Variants in NCAM2 observed in about 807,000 individuals in gnomAD.
The protein encoded by NCAM2 is N-CAM-2.
A neutral mutation model predicts 98.1 loss-of-function variants in NCAM2; 30 were observed. The ratio of observed to expected loss-of-function variants is 0.31; its 90% CI spans 0.23 to 0.41. The LOEUF is 0.41. NCAM2 is among the 10% of genes least tolerant of loss of function. The probability of loss-of-function intolerance (pLI) is 1.00; values close to 1 mark genes in which losing one functional copy is unlikely to be tolerated. For synonymous variants in NCAM2, 368 were observed against 342.4 expected (o/e 1.07, Z -0.83); for missense variants, 867 against 1,005.8 (o/e 0.86, Z 1.87).
intron 1 of NCAM2, among the ~76,000 whole-genome samples, chr21:21,025,778 G>A (rs1464873914): frequency 6.6e-6 from 1 of 152,190 alleles, no homozygotes; most frequent in African/African-American, 2.4e-5. Context: ...TTGGTGAACT[G>A]GCTATACATA....
chr21:21,067,617 T>C (rs1206763055), intron 1 of NCAM2, among the ~76,000 whole-genome samples: 1 of 152,184 alleles, frequency 6.6e-6, no homozygotes, highest in Non-Finnish European at 1.5e-5. Context: ...AGACCCCTCT[T>C]TAAACACTGG....
At chr21:21,209,671 A>G (rs979540452) in intron 1 of NCAM2, among the ~76,000 whole-genome samples, 16 of 149,334 alleles carry the variant, frequency 1.1e-4, no homozygotes, top group Admixed American at 1.0e-3. Context: ...ATTCTTTTAT[A>G]GTCTGCTATC....
chr21:21,074,306 T>A (rs2065633603), intron 1 of NCAM2, among the ~76,000 whole-genome samples: 1 of 152,080 alleles, frequency 6.6e-6, no homozygotes, highest in Non-Finnish European at 1.5e-5. Context: ...TTTACATTAA[T>A]TACATTTATT....
intron 1 of NCAM2, among the ~76,000 whole-genome samples, chr21:21,275,284 C>CA (rs2072684046): frequency 6.6e-6 from 1 of 151,208 alleles, no homozygotes; most frequent in South Asian, 2.1e-4. Flanking sequence ...ACTAAAAATA[C>CA]AAAAAATTAG....
chr21:21,256,523 A>T (rs966119245), intron 1 of NCAM2, among the ~76,000 whole-genome samples: 1 of 152,170 alleles, frequency 6.6e-6, no homozygotes, highest in African/African-American at 2.4e-5. Flanking sequence ...AAATGCAGTG[A>T]ACTATATTAC....
At chr21:21,177,151 C>G (rs1304772859) in intron 1 of NCAM2, among the ~76,000 whole-genome samples, 1 of 151,952 alleles carries the variant, frequency 6.6e-6, no homozygotes, top group African/African-American at 2.4e-5. Flanking sequence ...TTTTTTTATT[C>G]AAGAAATCTT....
chr21:21,059,011 A>G (rs1011218427), intron 1 of NCAM2, among the ~76,000 whole-genome samples: 6 of 152,098 alleles, frequency 3.9e-5, no homozygotes, highest in Admixed American at 6.6e-5. Context: ...CCTTGACTGC[A>G]TATCTCTGTC....
chr21:21,114,233 CAT>C lies in NCAM2; in HGVS notation c.55+115616_55+115617del, dbSNP rs577960136. 5.9e-5 allele frequency among the ~76,000 whole-genome samples: 9 copies of C among 152,270 alleles called. No individual in the cohort carries two copies. The South Asian group carries it at 1.7e-3, about 28-fold the overall frequency. ...TAGCAGAAAGATGTGGCAGGCTTCT[CAT>C]GAGACTCTCCAGGCATATGCAAATC... On this transcript the variant is annotated intron_variant, in intron 1 of 17. Coordinates refer to ENST00000400546, the MANE Select transcript of NCAM2 (RefSeq NM_004540.5).
intron 12 of NCAM2, among the ~76,000 whole-genome samples, chr21:21,442,359 G>A (rs1241664069): frequency 1.3e-5 from 2 of 152,120 alleles, no homozygotes; most frequent in Non-Finnish European, 2.9e-5. Context: ...GTAGGAACAT[G>A]GAGGATAGGA....
intron 1 of NCAM2, among the ~76,000 whole-genome samples, chr21:21,271,633 A>G (rs182776201): frequency 6.6e-6 from 1 of 152,306 alleles, no homozygotes; most frequent in Non-Finnish European, 1.5e-5. Context: ...TTGGAGTACT[A>G]TTTATAAGAC....
At chr21:21,001,335 C>CT (rs2064016603) in intron 1 of NCAM2, among the ~76,000 whole-genome samples, 1 of 152,144 alleles carries the variant, frequency 6.6e-6, no homozygotes, top group African/African-American at 2.4e-5. Context: ...TTAAAAGCCT[C>CT]TAATTTCCAC....
chr21:21,192,049 C>T (rs2068839816), intron 1 of NCAM2, among the ~76,000 whole-genome samples: 1 of 152,002 alleles, frequency 6.6e-6, no homozygotes, highest in African/African-American at 2.4e-5. Context: ...TGGTGAAACC[C>T]CGCTTCTACT....
At chr21:21,164,837 CAT>C (rs1330756569) in intron 1 of NCAM2, among the ~76,000 whole-genome samples, 1 of 152,106 alleles carries the variant, frequency 6.6e-6, no homozygotes, top group African/African-American at 2.4e-5. Context: ...GGTTTACTCT[CAT>C]GTGAAGAAAA....
At chr21:21,515,857 A>T (rs1423049556) in intron 16 of NCAM2, among the ~76,000 whole-genome samples, 1 of 152,288 alleles carries the variant, frequency 6.6e-6, no homozygotes, top group South Asian at 2.1e-4. Flanking sequence ...AAATTTTATC[A>T]TTTATAACTG....
At chr21:21,010,729 G>C (rs1191684447) in intron 1 of NCAM2, among the ~76,000 whole-genome samples, 2 of 152,030 alleles carry the variant, frequency 1.3e-5, no homozygotes, top group East Asian at 3.9e-4. Context: ...TCATTTTAAA[G>C]TCTCTAAGTC....
At chr21:21,284,515 T>C in intron 3 of NCAM2, 115 bp downstream of exon 3, 1 of 764,638 alleles carries the variant, frequency 1.3e-6, no homozygotes, top group Middle Eastern at 3.7e-4. Context: ...AAAATAAATA[T>C]CAGTTTATTT....
At chr21:21,397,213 G>A (rs1242694007) in intron 9 of NCAM2, among the ~76,000 whole-genome samples, 6 of 152,104 alleles carry the variant, frequency 3.9e-5, no homozygotes, top group African/African-American at 1.4e-4. Flanking sequence ...CCTGGAAAAA[G>A]CACCAGAAGT....
chr21:21,541,898 T>G lies in NCAM2; in HGVS notation c.*3941T>G, dbSNP rs1045133738. The G allele has an allele frequency of 1.3e-5, 2 of 151,824 alleles. No homozygotes were observed. Among genetic ancestry groups the G allele is most frequent in the Admixed American group, 1.3e-4 (2 of 15,202 alleles). The allele number at this position is 151,824 out of a possible 1,614,324, so 9.4% of individuals were successfully genotyped here. A position where few individuals can be genotyped will look rare whatever the true frequency, so the allele number is the denominator to read the frequency against. On this transcript the variant is annotated 3_prime_UTR_variant, in exon 18 of 18. Coordinates refer to ENST00000400546, the MANE Select transcript of NCAM2 (RefSeq NM_004540.5). ...CAAACTTTGTATCTGGATATATTTT[T>G]AACAATAAGTTTGTTAGCATTATTT...
chr21:21,380,942 T>C (rs1024021600), intron 9 of NCAM2, among the ~76,000 whole-genome samples: 4 of 152,208 alleles, frequency 2.6e-5, no homozygotes, highest in Non-Finnish European at 2.9e-5. Context: ...TGACATATCT[T>C]AGCTAATAAT....
Sources: gnomAD v4.1 joint callset for allele counts (sites outside exome capture counted in the v4.1 genomes callset) on GRCh38, gnomAD v4.1.1 for gene constraint, MANE v1.5 for transcripts, NCBI Gene and HGNC (gene_info 2026-07-23, HGNC 2026-07-21) for gene names.